Variants in LCN1 observed in about 807,000 individuals in gnomAD.
The protein encoded by LCN1 is lipocalin-1.
Under a neutral mutation model 22.3 loss-of-function variants are expected in LCN1, and 25 were observed. That is an observed-to-expected ratio of 1.12 (90% confidence interval 0.82 to 1.56). The LOEUF is 1.56. Ranked by LOEUF, LCN1 falls within the 40% of genes most tolerant of loss-of-function variation. The pLI, the probability that LCN1 is intolerant of heterozygous loss-of-function variation, is 0.00. For missense variants in LCN1, 219 were observed against 235.6 expected (o/e 0.93, Z 0.46); for synonymous variants, 85 against 97.6 (o/e 0.87, Z 0.76).
chr9:135,523,827 C>A (rs1278903812), intron 3 of LCN1, 53 bp from the exon 4 acceptor site: 29 of 1,488,930 alleles, frequency 1.9e-5, no homozygotes, highest in Non-Finnish European at 1.9e-5. Context: ...TCCCGGGATC[C>A]TCTCTGAAGT....
intron 3 of LCN1, 121 bp from the exon 4 acceptor site, chr9:135,523,759 T>C: frequency 1.3e-6 from 1 of 785,984 alleles, no homozygotes; most frequent in South Asian, 1.6e-5. Flanking sequence ...CAGGGAGCTC[T>C]GGGAGGCTGG....
chr9:135,526,311 T>C (rs1371908794), intron 6 of LCN1, 33 bp from the exon 7 acceptor site: 2 of 1,026,246 alleles, frequency 1.9e-6, no homozygotes, highest in South Asian at 1.7e-5. Context: ...ACCCTTGCTG[T>C]CCTGGCCTCA....
chr9:135,521,678 C>A, intron 1 of LCN1, 91 bp downstream of exon 1: 3 of 1,186,008 alleles, frequency 2.5e-6, no homozygotes, highest in Non-Finnish European at 3.6e-6. Flanking sequence ...TCCAAGGAGA[C>A]CCTCGTTTTT....
intron 3 of LCN1, 54 bp downstream of exon 3, chr9:135,523,356 G>A (rs1046826055): frequency 3.9e-6 from 6 of 1,524,296 alleles, no homozygotes; most frequent in Admixed American, 2.0e-5. Flanking sequence ...CTGGATGTGC[G>A]GGGGCAGCCA....
In LCN1 at chr9:135,523,313, G is replaced by T; in HGVS notation, c.292+11G>T. Reference sequence around the variant, plus strand: ...GAAAATACACGGCCGGTGAGTCCCGGGGCCTGAGCCAGAGCCTGAGCTTGA... The same window carrying T: ...GAAAATACACGGCCGGTGAGTCCCGTGGCCTGAGCCAGAGCCTGAGCTTGA... On this transcript the variant is annotated intron_variant, in intron 3 of 6. Transcript: ENST00000371781. 6.2e-7 allele frequency: 1 copy of T among 1,610,880 alleles called. No homozygotes were observed. Among genetic ancestry groups the T allele is most frequent in the Non-Finnish European group, 8.5e-7 (1 of 1,178,608 alleles).
At chr9:135,522,353 C>T (rs1159919176) in intron 2 of LCN1, among the ~76,000 whole-genome samples, 176 bp downstream of exon 2, 1 of 152,204 alleles carries the variant, frequency 6.6e-6, no homozygotes, top group Admixed American at 6.5e-5. Context: ...GCTGGAGGGG[C>T]CCTGAGGGGG....
intron 3 of LCN1, 110 bp downstream of exon 3, chr9:135,523,412 C>G (rs1309531803): frequency 2.2e-6 from 2 of 901,248 alleles, no homozygotes; most frequent in African/African-American, 3.4e-5. Context: ...CTTTTGCTGC[C>G]TTCTGACTCC....
chr9:135,526,434 C>T lies in LCN1; in HGVS notation c.*92C>T. 2 of 1,286,714 alleles carry T rather than the reference C, an allele frequency of 1.6e-6. No homozygotes were observed. Among genetic ancestry groups the T allele is most frequent in the Non-Finnish European group, 2.0e-6 (2 of 987,430 alleles). 79.7% of individuals were successfully genotyped at this position (1,286,714 alleles called of 1,614,324 possible). ...AGGGACATGGAAAAAGCTCCCCACC[C>T]CTGCAGAACGCGGCTGGCTGCACCC... On this transcript the variant is annotated 3_prime_UTR_variant, in exon 7 of 7. Coordinates refer to ENST00000371781, the MANE Select transcript of LCN1 (RefSeq NM_002297.4).
intron 4 of LCN1, 26 bp from the exon 5 acceptor site, chr9:135,524,803 AC>A (rs1831588592): frequency 6.4e-7 from 1 of 1,564,890 alleles, no homozygotes; most frequent in African/African-American, 1.4e-5. Context: ...TGCCTCGAGC[AC>A]CCACATCTCG....
chr9:135,525,479 C>T (rs1268264076), intron 6 of LCN1, among the ~76,000 whole-genome samples: 1 of 152,146 alleles, frequency 6.6e-6, no homozygotes, highest in Non-Finnish European at 1.5e-5. Context: ...CTCCTCAGCA[C>T]CCCTCACCCT....
At chr9:135,524,645 A>G (rs1831583751) in intron 4 of LCN1, among the ~76,000 whole-genome samples, 185 bp from the exon 5 acceptor site, 1 of 152,168 alleles carries the variant, frequency 6.6e-6, no homozygotes, top group African/African-American at 2.4e-5. Context: ...CTGCTGCCAC[A>G]GGAGCCTTCT....
intron 5 of LCN1, 73 bp downstream of exon 5, chr9:135,525,004 G>A (rs1464582714): frequency 2.0e-5 from 31 of 1,536,946 alleles, no homozygotes; most frequent in Admixed American, 5.2e-5. Flanking sequence ...TTGCACGGGC[G>A]CATAACTGTG....
chr9:135,524,471 C>G (rs1038970436), intron 4 of LCN1, among the ~76,000 whole-genome samples: 2 of 152,188 alleles, frequency 1.3e-5, no homozygotes, highest in Admixed American at 6.5e-5. Flanking sequence ...CATGAAGGCT[C>G]CTGAGTTCTC....
rs371365986 is a variant in LCN1, at chr9:135,521,462, C to T, written c.-36C>T. On this transcript the variant is annotated 5_prime_UTR_variant, in exon 1 of 7. Coordinates refer to ENST00000371781, the MANE Select transcript of LCN1 (RefSeq NM_002297.4). ...TACAGCCTCTCCCAGCCCCAGCAAG[C>T]GACCTGTCAGGCGGCCGTGGACTCA... The T allele has an allele frequency of 2.8e-5, 45 of 1,581,458 alleles. No homozygotes were observed. The highest frequency in any genetic ancestry group is 1.6e-4 in the East Asian group (7 of 44,656).
intron 3 of LCN1, 133 bp from the exon 4 acceptor site, chr9:135,523,747 G>T (rs1831557934): frequency 9.6e-6 from 7 of 732,260 alleles, no homozygotes; most frequent in Admixed American, 6.4e-5. Context: ...GGGAACCTGG[G>T]TCAGGGAGCT....
intron 6 of LCN1, 50 bp from the exon 7 acceptor site, chr9:135,526,288 GCATCCC>G: frequency 1.8e-6 from 1 of 553,478 alleles, no homozygotes; most frequent in Admixed American, 6.2e-5. Flanking sequence ...CCCCCACATT[GCATCCC>G]CCTCCCACCC....
chr9:135,522,124 C>T lies in LCN1; in HGVS notation c.168C>T (p.Pro56=). 1.3e-6 allele frequency: 2 copies of T among 1,599,094 alleles called. No homozygotes were observed. Among genetic ancestry groups the T allele is most frequent in the Non-Finnish European group, 1.7e-6 (2 of 1,173,020 alleles). ...AGATGAATCTGGAATCGGTGACACC[C>T]ATGACCCTCACGACCCTGGAAGGGG... ...FPEMNLESVT[P]MTLTTLEGGN... Residue 56 remains proline (P), a synonymous_variant, in exon 2 of 7, where the codon CCC becomes CCT. Coordinates refer to ENST00000371781, the MANE Select transcript of LCN1 (RefSeq NM_002297.4).
chr9:135,522,580 G>A (rs1398798772), intron 2 of LCN1, among the ~76,000 whole-genome samples: 4 of 152,200 alleles, frequency 2.6e-5, no homozygotes. Flanking sequence ...CATAGGAGAA[G>A]ACACCATGGA....
chr9:135,523,118 C>T lies in LCN1; in HGVS notation c.222-114C>T, dbSNP rs1351284713. The T allele has an allele frequency of 4.3e-6, 4 of 937,044 alleles. No homozygotes were observed. In the Admixed American group the frequency reaches 8.2e-5, roughly 19 times the overall value. The allele number at this position is 937,044 out of a possible 1,614,324, so 58.0% of individuals were successfully genotyped here. On this transcript the variant is annotated intron_variant, in intron 2 of 6. Coordinates refer to ENST00000371781, the MANE Select transcript of LCN1 (RefSeq NM_002297.4). ...TGAGATGCAGAGAAGCACCCTCCTCCATGGGCCTGTGGCAGACTCGGGGCC... is the reference window on the plus strand; with the variant it reads ...TGAGATGCAGAGAAGCACCCTCCTCTATGGGCCTGTGGCAGACTCGGGGCC...
Sources: gnomAD v4.1 joint callset for allele counts (sites outside exome capture counted in the v4.1 genomes callset) on GRCh38, gnomAD v4.1.1 for gene constraint, MANE v1.5 for transcripts, NCBI Gene and HGNC (gene_info 2026-07-23, HGNC 2026-07-21) for gene names.